PTPRD: variants seen among roughly 807,000 people sequenced by gnomAD.
PTPRD encodes receptor-type tyrosine-protein phosphatase delta.
PTPRD carries 34 observed loss-of-function variants against 214.5 expected under a neutral mutation model. That is an observed-to-expected ratio of 0.16 (90% CI 0.12 to 0.21). The LOEUF is 0.21. Among genes scored for constraint, PTPRD ranks in the 10% least tolerant of loss-of-function variants. The pLI is 1.00. For missense variants in PTPRD, 2,545 were observed against 2,398.7 expected, an observed-to-expected ratio of 1.06 and a Z score of -1.27; for synonymous variants, 1,128 against 845.7, an observed-to-expected ratio of 1.33 and a Z score of -5.79.
chr9:9,959,587 T>G (rs1378485637), intron 4 of PTPRD, among the ~76,000 whole-genome samples: 1 of 152,122 alleles, frequency 6.6e-6, no homozygotes, highest in Non-Finnish European at 1.5e-5. Context: ...AAAACCTCAC[T>G]GAAGAGAATG....
intron 19 of PTPRD, among the ~76,000 whole-genome samples, chr9:8,522,974 C>T (rs1248927335): frequency 1.3e-5 from 2 of 152,112 alleles, no homozygotes; most frequent in Admixed American, 1.3e-4. Flanking sequence ...TGGCTCACTG[C>T]AATGGCCTCA....
intron 3 of PTPRD, among the ~76,000 whole-genome samples, chr9:10,288,808 AC>A (rs1472833496): frequency 1.5e-5 from 2 of 135,748 alleles, no homozygotes; most frequent in African/African-American, 6.3e-5. Context: ...AAAATTAAAA[AC>A]TTTTTTTCTG....
chr9:8,654,768 G>A (rs962718767), intron 12 of PTPRD, among the ~76,000 whole-genome samples: 1 of 152,056 alleles, frequency 6.6e-6, no homozygotes, highest in Non-Finnish European at 1.5e-5. Context: ...CATGACTACA[G>A]TAATTGGTTT....
At chr9:8,533,833 C>A (rs946327718) in intron 14 of PTPRD, among the ~76,000 whole-genome samples, 1 of 152,004 alleles carries the variant, frequency 6.6e-6, no homozygotes, top group African/African-American at 2.4e-5. Flanking sequence ...TTTTTCAGCA[C>A]TCACTCATGA....
intron 10 of PTPRD, among the ~76,000 whole-genome samples, chr9:9,117,221 T>A (rs1379149754): frequency 7.9e-6 from 1 of 127,166 alleles, no homozygotes; most frequent in Non-Finnish European, 1.7e-5. Context: ...GGAAATTAAG[T>A]TTTTTTTTTT....
intron 10 of PTPRD, among the ~76,000 whole-genome samples, chr9:9,121,663 A>G (rs1486152182): frequency 6.6e-6 from 1 of 152,056 alleles, no homozygotes; most frequent in Non-Finnish European, 1.5e-5. Context: ...GACTTTGGGG[A>G]CTTGGTGGGA....
chr9:8,323,605 G>C (rs1830630236), intron 44 of PTPRD, among the ~76,000 whole-genome samples: 1 of 136,966 alleles, frequency 7.3e-6, no homozygotes, highest in Admixed American at 7.6e-5. Flanking sequence ...AAAAATGGTG[G>C]AATAGCAAGA....
At chr9:10,405,168 G>T (rs887694892) in intron 2 of PTPRD, among the ~76,000 whole-genome samples, 4 of 151,518 alleles carry the variant, frequency 2.6e-5, no homozygotes, top group African/African-American at 9.7e-5. Flanking sequence ...TTCCAAAAAA[G>T]GAACTGGGGT....
At chr9:9,369,904 AAAGATCAGAT>A (rs2058972503) in intron 9 of PTPRD, among the ~76,000 whole-genome samples, 1 of 152,122 alleles carries the variant, frequency 6.6e-6, no homozygotes, top group Non-Finnish European at 1.5e-5. Flanking sequence ...CAGGTTTGTC[AAAGATCAGAT>A]AGTTGTAGAT....
rs377463668 is a variant in PTPRD at position 8,341,976 on chromosome 9, G to A, written c.4664C>T (p.Ala1555Val). The A allele has an allele frequency of 6.3e-6, 10 of 1,598,652 alleles. No individual in the cohort carries two copies. Among genetic ancestry groups the A allele is most frequent in the Admixed American group, 1.7e-5 (1 of 57,594 alleles). Residue 1555 changes from alanine (A) to valine (V), a missense_variant and splice_region_variant, in exon 40 of 46, where the codon GCG becomes GTG. By Grantham distance (64) the Ala-to-Val change is moderately conservative. Coordinates refer to ENST00000381196, the MANE Select transcript of PTPRD (RefSeq NM_002839.4). ...DAGPMVVHCS[A>V]GVGRTGCFIV... The stretch of plus-strand genomic sequence containing the variant: ...GAAGCAACCAGTCCGGCCAACTCCC[G>A]CACTATGAGGAAAATAGAGAAGAAA...
chr9:10,068,247 T>A (rs780433698), intron 3 of PTPRD, among the ~76,000 whole-genome samples: 93 of 151,906 alleles, frequency 6.1e-4, no homozygotes, highest in Admixed American at 2.3e-3. Context: ...ATTTGCTGGA[T>A]AACCGAATGT....
At chr9:8,822,027 T>C (rs2097078344) in intron 11 of PTPRD, among the ~76,000 whole-genome samples, 1 of 152,218 alleles carries the variant, frequency 6.6e-6, no homozygotes, top group African/African-American at 2.4e-5. Context: ...AGTTACAGGA[T>C]TTGTTGCCAC....
chr9:9,711,132 G>T (rs369354128), intron 7 of PTPRD, among the ~76,000 whole-genome samples: 5 of 152,046 alleles, frequency 3.3e-5, no homozygotes, highest in African/African-American at 1.2e-4. Context: ...GTAAATTATT[G>T]TTTTTACTAA....
At chr9:8,493,040 A>T in intron 26 of PTPRD, 61 bp from the exon 27 acceptor site, 3 of 1,398,250 alleles carry the variant, frequency 2.1e-6, no homozygotes, top group Non-Finnish European at 3.0e-6. Flanking sequence ...CTGGGGGAAA[A>T]ACAAGGCCGT....
At chr9:8,891,950 G>C (rs1313468922) in intron 11 of PTPRD, among the ~76,000 whole-genome samples, 1 of 152,100 alleles carries the variant, frequency 6.6e-6, no homozygotes, top group Non-Finnish European at 1.5e-5. Context: ...AAAAATCCTT[G>C]TGATTATCTT....
intron 11 of PTPRD, chr9:8,857,645 T>C (rs1049321520): frequency 6.4e-6 from 1 of 157,038 alleles, no homozygotes; most frequent in African/African-American, 2.4e-5. Context: ...CACCTGGTCA[T>C]GTTGGCCCCG....
At chr9:9,271,426 A>G (rs1205620878) in intron 9 of PTPRD, among the ~76,000 whole-genome samples, 7 of 151,336 alleles carry the variant, frequency 4.6e-5, no homozygotes, top group African/African-American at 7.3e-5. Flanking sequence ...CCCCCATTTC[A>G]TTCCTGTTAT....
chr9:10,363,815 T>C (rs1338397361), intron 2 of PTPRD, among the ~76,000 whole-genome samples: 1 of 152,062 alleles, frequency 6.6e-6, no homozygotes, highest in African/African-American at 2.4e-5. Context: ...ATTTCACACA[T>C]GTAGATAGAT....
At chr9:9,856,752 C>G (rs541784122) in intron 5 of PTPRD, among the ~76,000 whole-genome samples, 2 of 152,276 alleles carry the variant, frequency 1.3e-5, no homozygotes, top group East Asian at 3.9e-4. Context: ...CTCAGCTGAA[C>G]TTAACTCTCT....
Sources: allele counts gnomAD v4.1 joint callset (sites outside exome capture counted in the v4.1 genomes callset), GRCh38; gene constraint gnomAD v4.1.1; transcripts MANE v1.5; gene names NCBI Gene and HGNC (gene_info 2026-07-23, HGNC 2026-07-21).